Variants in PXYLP1 observed in about 807,000 individuals in gnomAD.
PXYLP1 encodes 2-phosphoxylose phosphatase 1.
A neutral mutation model predicts 37.9 loss-of-function variants in PXYLP1; 17 were observed. The ratio of observed to expected loss-of-function variants is 0.45; its 90% CI spans 0.31 to 0.67. The LOEUF (loss-of-function observed/expected upper bound fraction) is 0.67. PXYLP1 is among the 30% of genes least tolerant of loss of function. The probability of loss-of-function intolerance (pLI) is 0.07; values close to 1 mark genes in which losing one functional copy is unlikely to be tolerated. For missense variants in PXYLP1, 511 were observed against 612.0 expected, an observed-to-expected ratio of 0.84 and a Z score of 1.74; for synonymous variants, 221 against 232.2, an observed-to-expected ratio of 0.95 and a Z score of 0.44.
At chr3:141,281,304 G>C (rs1352284747) in intron 4 of PXYLP1, among the ~76,000 whole-genome samples, 1 of 152,192 alleles carries the variant, frequency 6.6e-6, no homozygotes, top group Non-Finnish European at 1.5e-5. Context: ...AGCAAGTGCA[G>C]GGGGCCCGAG....
chr3:141,260,265 C>A lies in PXYLP1; in HGVS notation c.79+11C>A. ...TCAGCCTGCAGTTCTGTGAGTAGAG[C>A]CGGGCCCCGCAGGTCGTGGGAGGGT... On this transcript the variant is annotated intron_variant, in intron 2 of 5. Transcript: ENST00000286353. 1 of 1,611,792 alleles carries A rather than the reference C, an allele frequency of 6.2e-7. No homozygotes were observed. Among genetic ancestry groups the A allele is most frequent in the South Asian group, 1.1e-5 (1 of 91,066 alleles).
intron 1 of PXYLP1, among the ~76,000 whole-genome samples, chr3:141,245,314 G>A (rs952648019): frequency 3.9e-5 from 6 of 152,092 alleles, no homozygotes; most frequent in African/African-American, 1.4e-4. Flanking sequence ...TAATCCACAC[G>A]CCTTGGCCTC....
chr3:141,287,024 C>T (rs528183777), intron 4 of PXYLP1, among the ~76,000 whole-genome samples: 2 of 152,144 alleles, frequency 1.3e-5, no homozygotes, highest in Admixed American at 6.5e-5. Context: ...AGAGCGAGCC[C>T]GGAAGGCAGC....
rs1031273770 is a variant in PXYLP1 at position 141,294,914 on chromosome 3, T to A, written c.*1709T>A. 5.9e-5 allele frequency: 9 copies of A among 152,230 alleles called. No homozygotes were observed. Among genetic ancestry groups the A allele is most frequent in the Non-Finnish European group, 1.2e-4 (8 of 68,038 alleles). 9.4% of individuals were successfully genotyped at this position (152,230 alleles called of 1,614,324 possible). On this transcript the variant is annotated 3_prime_UTR_variant, in exon 6 of 6. Coordinates refer to ENST00000286353, the MANE Select transcript of PXYLP1 (RefSeq NM_001037172.3). ...AATAAAAGTGACTCGGAAGATTTTTTAAAAAATCAATTGATAGTATCTGTT... is the reference window on the plus strand; with the variant it reads ...AATAAAAGTGACTCGGAAGATTTTTAAAAAAATCAATTGATAGTATCTGTT...
At chr3:141,238,085 C>T (rs1217233512) in intron 1 of PXYLP1, among the ~76,000 whole-genome samples, 1 of 152,190 alleles carries the variant, frequency 6.6e-6, no homozygotes, top group Admixed American at 6.5e-5. Flanking sequence ...CCCCAGAAAC[C>T]TTTGGTACTA....
At chr3:141,272,758 G>T (rs2148796400) in intron 2 of PXYLP1, 1 of 140,140 alleles carries the variant, frequency 7.1e-6, no homozygotes, top group Admixed American at 7.3e-5. Context: ...AGGTTGGGAG[G>T]CTAGGCCAGC....
At chr3:141,243,193 A>G (rs1309440421) in intron 1 of PXYLP1, among the ~76,000 whole-genome samples, 5 of 152,140 alleles carry the variant, frequency 3.3e-5, no homozygotes, top group African/African-American at 9.7e-5. Context: ...ACACAGCACA[A>G]TCTTGGAAAA....
At chr3:141,266,473 G>T (rs1559888123) in intron 2 of PXYLP1, among the ~76,000 whole-genome samples, 1 of 152,050 alleles carries the variant, frequency 6.6e-6, no homozygotes, top group Non-Finnish European at 1.5e-5. Flanking sequence ...AGAAAATCTG[G>T]GCAGATAGAG....
intron 2 of PXYLP1, among the ~76,000 whole-genome samples, chr3:141,265,912 A>G (rs891567660): frequency 1.3e-5 from 2 of 152,198 alleles, no homozygotes; most frequent in African/African-American, 4.8e-5. Flanking sequence ...CCTAAGCAGC[A>G]GGACAATCTG....
At chr3:141,287,018 C>G (rs535136313) in intron 4 of PXYLP1, among the ~76,000 whole-genome samples, 1 of 152,136 alleles carries the variant, frequency 6.6e-6, no homozygotes, top group Non-Finnish European at 1.5e-5. Context: ...TCCCGGAGAG[C>G]GAGCCCGGAA....
At chr3:141,250,883 G>T (rs1941125582) in intron 1 of PXYLP1, among the ~76,000 whole-genome samples, 1 of 152,200 alleles carries the variant, frequency 6.6e-6, no homozygotes. Flanking sequence ...TCTGTTACCT[G>T]CAGCCAAGCC....
chr3:141,288,040 GT>G (rs768328833), intron 5 of PXYLP1, among the ~76,000 whole-genome samples: 13 of 152,264 alleles, frequency 8.5e-5, no homozygotes, highest in Non-Finnish European at 1.6e-4. Flanking sequence ...TGCATGTGGA[GT>G]TTGTTTGGCT....
In PXYLP1 at chr3:141,279,411, T is replaced by A. The variant is rs1941890889; in HGVS notation, c.272T>A (p.Val91Glu). 3 of 1,614,266 alleles carry A rather than the reference T, an allele frequency of 1.9e-6. No homozygotes were observed. Among genetic ancestry groups the A allele is most frequent in the Non-Finnish European group, 2.5e-6 (3 of 1,180,044 alleles). Reference sequence around the variant, plus strand: ...CCGCATCATTTTAAGCTGGTCTCAGTGCATGTGTTCATTCGCCACGGAGAC... The same window carrying A: ...CCGCATCATTTTAAGCTGGTCTCAGAGCATGTGTTCATTCGCCACGGAGAC... ...HAPHHFKLVS[V>E]HVFIRHGDRY... Residue 91 changes from valine to glutamate, a missense_variant, in exon 4 of 6, where the codon GTG (valine) becomes GAG (glutamate). Physicochemically the swap from Val to Glu is moderately radical, Grantham distance 121. Coordinates refer to ENST00000286353, the MANE Select transcript of PXYLP1 (RefSeq NM_001037172.3).
At chr3:141,238,520 GCAGT>G (rs375788107) in intron 1 of PXYLP1, among the ~76,000 whole-genome samples, 10 of 152,218 alleles carry the variant, frequency 6.6e-5, no homozygotes, top group African/African-American at 2.2e-4. Context: ...CGATAAGTCA[GCAGT>G]CAGACTGGAA....
At chr3:141,250,963 C>T (rs1321196666) in intron 1 of PXYLP1, among the ~76,000 whole-genome samples, 8 of 152,216 alleles carry the variant, frequency 5.3e-5, no homozygotes, top group Admixed American at 5.2e-4. Context: ...AAGGTGACCA[C>T]AACAGTGTCT....
intron 1 of PXYLP1, chr3:141,234,812 T>G (rs1246047921): frequency 6.6e-6 from 1 of 152,270 alleles, no homozygotes; most frequent in Non-Finnish European, 1.5e-5. Context: ...AGACTGCCAC[T>G]TGGCTGTGGG....
chr3:141,237,888 T>C (rs1940699424), intron 1 of PXYLP1, among the ~76,000 whole-genome samples: 1 of 152,228 alleles, frequency 6.6e-6, no homozygotes, highest in African/African-American at 2.4e-5. Context: ...GCACTCATTT[T>C]GACTCATCTG....
At chr3:141,280,578 ATTAAT>A (rs1941928438) in intron 4 of PXYLP1, among the ~76,000 whole-genome samples, 3 of 152,226 alleles carry the variant, frequency 2.0e-5, no homozygotes, top group Admixed American at 2.0e-4. Context: ...ATGTCATTTA[ATTAAT>A]TTAATCTTTA....
intron 1 of PXYLP1, among the ~76,000 whole-genome samples, chr3:141,243,695 G>T (rs775681860): frequency 7.2e-5 from 11 of 152,214 alleles, no homozygotes; most frequent in Non-Finnish European, 1.5e-4. Context: ...GATGTTCTTG[G>T]AACTCTGGGT....
Sources: allele counts gnomAD v4.1 joint callset (sites outside exome capture counted in the v4.1 genomes callset), GRCh38; gene constraint gnomAD v4.1.1; transcripts MANE v1.5; gene names NCBI Gene and HGNC (gene_info 2026-07-23, HGNC 2026-07-21).